Variants in CAB39 observed in about 807,000 individuals in gnomAD.
CAB39 encodes the protein calcium-binding protein 39.
Under a neutral mutation model 40.0 loss-of-function variants are expected in CAB39, and 8 were observed. That is an observed-to-expected ratio of 0.20 (90% confidence interval 0.12 to 0.36). The LOEUF is 0.36. Ranked by LOEUF, CAB39 falls within the 10% of genes least tolerant of loss-of-function variation. CAB39 has a pLI of 1.00. For synonymous variants in CAB39, 156 were observed against 141.6 expected, an observed-to-expected ratio of 1.10 and a Z score of -0.72; for missense variants, 270 against 401.1, an observed-to-expected ratio of 0.67 and a Z score of 2.79.
At chr2:230,720,624 G>A (rs2124852249) in intron 1 of CAB39, among the ~76,000 whole-genome samples, 1 of 152,278 alleles carries the variant, frequency 6.6e-6, no homozygotes, top group Admixed American at 6.5e-5. Flanking sequence ...GTTTCACCAT[G>A]TTGGCCAGGC....
At chr2:230,733,475 T>C (rs1406772250) in intron 1 of CAB39, among the ~76,000 whole-genome samples, 1 of 152,246 alleles carries the variant, frequency 6.6e-6, no homozygotes, top group Non-Finnish European at 1.5e-5. Flanking sequence ...CTTTTCTTCC[T>C]TCTCAATGAG....
chr2:230,757,030 T>C (rs986555352), intron 1 of CAB39, among the ~76,000 whole-genome samples: 2 of 152,216 alleles, frequency 1.3e-5, no homozygotes, highest in African/African-American at 4.8e-5. Context: ...AATAATGATT[T>C]ATTAACTTTA....
At position 230,748,830 on chromosome 2, in the gene CAB39, AAATATATATAT is replaced by A. The variant is rs1316931252; in HGVS notation, c.-43-11127_-43-11117del. 3.1e-3 allele frequency among the ~76,000 whole-genome samples: 158 copies of A among 50,656 alleles called. 2 individuals carry two copies. Among genetic ancestry groups the A allele is most frequent in the African/African-American group, 0.016 (130 of 8,188 alleles). 33.2% of individuals were successfully genotyped at this position (50,656 alleles called of 152,430 possible). On this transcript the variant is annotated intron_variant, in intron 1 of 8. Transcript: ENST00000258418. ...TCCAAAAAGAAAAAAAAAAAAAAAAAAATATATATATATATATATATATATATATATATATA... is the reference window on the plus strand; with the variant it reads ...TCCAAAAAGAAAAAAAAAAAAAAAAAATATATATATATATATATATATATA...
At chr2:230,735,509 A>C (rs1294710333) in intron 1 of CAB39, among the ~76,000 whole-genome samples, 2 of 145,518 alleles carry the variant, frequency 1.4e-5, no homozygotes, top group African/African-American at 5.1e-5. Context: ...TACCTAGTTA[A>C]AAAATAATTT....
chr2:230,791,517 T>G (rs897709522), intron 3 of CAB39, among the ~76,000 whole-genome samples: 20 of 152,236 alleles, frequency 1.3e-4, no homozygotes, highest in Admixed American at 1.1e-3. Context: ...AGCACTGCTT[T>G]TAAATTTTAA....
intron 5 of CAB39, among the ~76,000 whole-genome samples, chr2:230,799,803 C>T (rs1196159056): frequency 7.2e-5 from 11 of 152,094 alleles, no homozygotes; most frequent in African/African-American, 2.7e-4. Flanking sequence ...CCAGCCTCAC[C>T]AACATGGAGA....
Position 230,749,678 on chromosome 2 carries a change from G to T in CAB39, c.-43-10281G>T, listed in dbSNP as rs148222388. 4.4e-3 allele frequency among the ~76,000 whole-genome samples: 667 copies of T among 152,252 alleles called. 23 individuals carry two copies. The highest frequency in any genetic ancestry group is 0.038 in the Admixed American group (582 of 15,282). On this transcript the variant is annotated intron_variant, in intron 1 of 8. Transcript: ENST00000258418. ...ATCCTCAGAAGCATTGATTTTAAAT[G>T]ACTTCTGAATGTTCAGTTCTATTTG...
chr2:230,760,910 T>A (rs977805219), intron 2 of CAB39, among the ~76,000 whole-genome samples: 2 of 152,276 alleles, frequency 1.3e-5, no homozygotes, highest in African/African-American at 4.8e-5. Context: ...TACTGCACTT[T>A]CTAAAAATCT....
chr2:230,777,938 A>G (rs948517794), intron 2 of CAB39, among the ~76,000 whole-genome samples: 3 of 152,174 alleles, frequency 2.0e-5, no homozygotes, highest in Admixed American at 6.6e-5. Flanking sequence ...ACTCTTCAAT[A>G]ACATTTTGCC....
intron 1 of CAB39, among the ~76,000 whole-genome samples, chr2:230,750,592 T>C (rs1466687717): frequency 6.6e-6 from 1 of 152,136 alleles, no homozygotes; most frequent in African/African-American, 2.4e-5. Context: ...TACTTCTCCA[T>C]ATGTAGTTCT....
chr2:230,717,453 AT>A (rs1170359258), intron 1 of CAB39, among the ~76,000 whole-genome samples: 1 of 152,162 alleles, frequency 6.6e-6, no homozygotes, highest in Admixed American at 6.5e-5. Context: ...TTTTTAAAAA[AT>A]TCTCCTGCAA....
chr2:230,713,330 C>T (rs1193609846), intron 1 of CAB39, 100 bp downstream of exon 1: 1 of 152,274 alleles, frequency 6.6e-6, no homozygotes, highest in African/African-American at 2.4e-5. Flanking sequence ...CCTCCATTTT[C>T]CTGGGTGGCG....
At chr2:230,815,021 C>G (rs1330349630) in intron 7 of CAB39, among the ~76,000 whole-genome samples, 1 of 152,246 alleles carries the variant, frequency 6.6e-6, no homozygotes, top group Non-Finnish European at 1.5e-5. Context: ...TCCATCCACT[C>G]ATCCCCTTCC....
rs1171229235 is a variant in CAB39 at position 230,768,408 on chromosome 2, CCCT to C, written c.114+8294_114+8296del. 2.6e-5 allele frequency among the ~76,000 whole-genome samples: 4 copies of C among 152,266 alleles called. No homozygotes were observed. The South Asian group carries it at 8.3e-4, about 32-fold the overall frequency. On this transcript the variant is annotated intron_variant, in intron 2 of 8. Coordinates refer to ENST00000258418, the MANE Select transcript of CAB39 (RefSeq NM_016289.4). ...CATACAGGTTTATGTTCATCATCTT[CCCT>C]GTAGTTAAGGGTGATCAGGGGACAT...
intron 7 of CAB39, among the ~76,000 whole-genome samples, chr2:230,816,646 C>T (rs1007656984): frequency 4.6e-5 from 7 of 152,186 alleles, no homozygotes; most frequent in Non-Finnish European, 1.0e-4. Context: ...AAAGCAAAGC[C>T]ACAGAGCCGC....
chr2:230,808,744 C>T (rs1696249598), intron 5 of CAB39, among the ~76,000 whole-genome samples: 1 of 152,178 alleles, frequency 6.6e-6, no homozygotes, highest in Non-Finnish European at 1.5e-5. Flanking sequence ...AACACATACC[C>T]TATCCAGCAG....
At chr2:230,796,630 C>T (rs1695992149) in intron 4 of CAB39, among the ~76,000 whole-genome samples, 3 of 152,196 alleles carry the variant, frequency 2.0e-5, no homozygotes, top group Admixed American at 2.0e-4. Context: ...CATGCCTCCA[C>T]TGATGCCAAG....
chr2:230,745,546 A>G (rs1694958032), intron 1 of CAB39, among the ~76,000 whole-genome samples: 1 of 152,370 alleles, frequency 6.6e-6, no homozygotes, highest in Non-Finnish European at 1.5e-5. Flanking sequence ...GAACTTTATC[A>G]ATGATGAGCA....
intron 1 of CAB39, among the ~76,000 whole-genome samples, chr2:230,758,635 A>G (rs1695236768): frequency 6.6e-6 from 1 of 152,206 alleles, no homozygotes; most frequent in Non-Finnish European, 1.5e-5. Flanking sequence ...AGCTCAAAAG[A>G]AGTGTTATGA....
Sources: allele counts gnomAD v4.1 joint callset (sites outside exome capture counted in the v4.1 genomes callset), GRCh38; gene constraint gnomAD v4.1.1; transcripts MANE v1.5; gene names NCBI Gene and HGNC (gene_info 2026-07-23, HGNC 2026-07-21).